Variants in TMEM126A observed in about 807,000 individuals in gnomAD.
The protein encoded by TMEM126A is optic atrophy 7.
TMEM126A carries 10 observed loss-of-function variants against 18.3 expected under a neutral mutation model. That is an observed-to-expected ratio of 0.55 (90% CI 0.34 to 0.93). TMEM126A has a LOEUF of 0.93. Ranked by LOEUF, TMEM126A falls within the 40% of genes least tolerant of loss-of-function variation. TMEM126A has a pLI of 0.02. For missense variants in TMEM126A, 246 were observed against 230.2 expected, an observed-to-expected ratio of 1.07 and a Z score of -0.44; for synonymous variants, 68 against 78.1, an observed-to-expected ratio of 0.87 and a Z score of 0.68.
chr11:85,655,593 G>A lies in TMEM126A; in HGVS notation c.281-1G>A. ...ATTTCTATGACTAATTTATTTCCTAGGTGATTTGGATTGTGAAACCTGTAC... is the reference window on the plus strand; with the variant it reads ...ATTTCTATGACTAATTTATTTCCTAAGTGATTTGGATTGTGAAACCTGTAC... On this transcript the variant is annotated splice_acceptor_variant, in intron 3 of 4. Transcript: ENST00000304511. LOFTEE classifies it high-confidence loss of function. 6.2e-7 allele frequency: 1 copy of A among 1,607,206 alleles called. No homozygotes were observed. Among genetic ancestry groups the A allele is most frequent in the Non-Finnish European group, 8.5e-7 (1 of 1,174,022 alleles).
chr11:85,655,309 T>TA (rs1249935292), intron 3 of TMEM126A: 4 of 345,736 alleles, frequency 1.2e-5, no homozygotes, highest in Admixed American at 4.4e-5. Flanking sequence ...GGTCTGTTGA[T>TA]AAAAAACAAG....
At position 85,654,059 on chromosome 11, in the gene TMEM126A, T is replaced by G. The variant is rs1357582545; in HGVS notation, c.87-4T>G. The G allele has an allele frequency of 6.2e-7, 1 of 1,614,064 alleles. No homozygotes were observed. Among genetic ancestry groups the G allele is most frequent in the Non-Finnish European group, 8.5e-7 (1 of 1,180,026 alleles). ...AGAAAAGTTCTTTCTTCTCACCCTT[T>G]CAGGAATCTACTTGAAAATGGATCG... On this transcript the variant is annotated splice_region_variant and splice_polypyrimidine_tract_variant and intron_variant, in intron 2 of 4. Transcript: ENST00000304511.
intron 2 of TMEM126A, among the ~76,000 whole-genome samples, chr11:85,652,984 G>A (rs2082512191): frequency 6.6e-6 from 1 of 151,326 alleles, no homozygotes; most frequent in Admixed American, 6.6e-5. Flanking sequence ...CATGGTTTTT[G>A]TGGTTGGTAG....
intron 1 of TMEM126A, among the ~76,000 whole-genome samples, chr11:85,648,336 G>T (rs1476852934): frequency 1.3e-5 from 2 of 152,196 alleles, no homozygotes; most frequent in Non-Finnish European, 2.9e-5. Context: ...TTTACAAGGT[G>T]ACCACGGCCA....
In TMEM126A at chr11:85,654,209, C is replaced by G. The variant is rs565261459; in HGVS notation, c.233C>G (p.Thr78Arg). ...GLPMAGIPFL[T>R]TDLTYRCFVS... ...CCAATGGCAGGGATACCTTTTCTTA[C>G]AACAGACTTAACTTACAGATGTTTT... Residue 78 changes from threonine (T) to arginine (R), a missense_variant, in exon 3 of 5, where the codon ACA (threonine) becomes AGA (arginine). Coordinates refer to ENST00000304511, the MANE Select transcript of TMEM126A (RefSeq NM_032273.4). 9 of 1,614,066 alleles carry G rather than the reference C, an allele frequency of 5.6e-6. No homozygotes were observed. Among genetic ancestry groups the G allele is most frequent in the Non-Finnish European group, 1.7e-6 (2 of 1,180,044 alleles).
chr11:85,655,754 T>G, intron 4 of TMEM126A, 46 bp downstream of exon 4: 1 of 1,341,358 alleles, frequency 7.5e-7, no homozygotes, highest in East Asian at 2.3e-5. Flanking sequence ...CCTATAAAAC[T>G]CACAACTTAA....
intron 2 of TMEM126A, 154 bp from the exon 3 acceptor site, chr11:85,653,907 CCT>C: frequency 1.2e-6 from 1 of 812,878 alleles, no homozygotes; most frequent in South Asian, 1.5e-5. Context: ...AGAGCAAAAA[CCT>C]ATATATAAAG....
At chr11:85,656,263 G>A in intron 4 of TMEM126A, 46 bp from the exon 5 acceptor site, 1 of 1,559,242 alleles carries the variant, frequency 6.4e-7, no homozygotes, top group Non-Finnish European at 8.8e-7. Context: ...TTTGCCATTT[G>A]ATGCAACAAT....
chr11:85,654,266 A>G lies in TMEM126A; in HGVS notation c.280+10A>G. The G allele has an allele frequency of 6.2e-7, 1 of 1,613,330 alleles. No homozygotes were observed. Among genetic ancestry groups the G allele is most frequent in the South Asian group, 1.1e-5 (1 of 91,048 alleles). ...TTTCCTTTGAATACAGGTAAATTCTACTTCACTATCACCAAAGAGTTTGCC... is the reference window on the plus strand; with the variant it reads ...TTTCCTTTGAATACAGGTAAATTCTGCTTCACTATCACCAAAGAGTTTGCC... On this transcript the variant is annotated intron_variant, in intron 3 of 4. Transcript: ENST00000304511.
chr11:85,654,510 G>A (rs1484506591), intron 3 of TMEM126A, among the ~76,000 whole-genome samples: 1 of 152,164 alleles, frequency 6.6e-6, no homozygotes, highest in Admixed American at 6.5e-5. Flanking sequence ...GGAGTGCCCT[G>A]GCGCAATCTT....
intron 1 of TMEM126A, 124 bp downstream of exon 1, chr11:85,648,213 T>G (rs888451897): frequency 2.0e-5 from 3 of 152,240 alleles, no homozygotes; most frequent in Admixed American, 2.0e-4. Context: ...TGTAGTTAGC[T>G]CTTCCTGCTG....
chr11:85,649,043 T>C (rs2082481593), intron 1 of TMEM126A, among the ~76,000 whole-genome samples: 1 of 151,392 alleles, frequency 6.6e-6, no homozygotes, highest in Non-Finnish European at 1.5e-5. Flanking sequence ...CAAGCGATTC[T>C]CCTGCCTCAG....
rs1273559505 is a variant in TMEM126A at position 85,654,089 on chromosome 11, A to T, written c.113A>T (p.Tyr38Phe). 1.9e-6 allele frequency: 3 copies of T among 1,614,194 alleles called. No individual in the cohort carries two copies. In the Admixed American group the frequency reaches 5.0e-5, roughly 27 times the overall value. ...AATCTACTTGAAAATGGATCGGTTT[A>T]TGTTGGATTAAATGCTGCTCTTTGT... ...ERNLLENGSV[Y>F]VGLNAALCGL... The change falls in exon 3 of 5, where the codon TAT (tyrosine) becomes TTT (phenylalanine). Residue 38 changes from tyrosine to phenylalanine, a missense_variant. Coordinates refer to ENST00000304511, the MANE Select transcript of TMEM126A (RefSeq NM_032273.4).
chr11:85,650,061 T>A (rs1325744690), intron 1 of TMEM126A, among the ~76,000 whole-genome samples, 188 bp from the exon 2 acceptor site: 1 of 152,254 alleles, frequency 6.6e-6, no homozygotes, highest in Non-Finnish European at 1.5e-5. Context: ...GAAGATATTC[T>A]GTATTTCCTA....
chr11:85,656,344 T>C lies in TMEM126A; in HGVS notation c.431T>C (p.Ile144Thr), dbSNP rs367886918. ...GCTCTGTTACCACACAAAGGGAACA[T>C]CTTAAGTTACTGGATTAGAACTTCT... is the stretch of plus-strand genomic sequence containing the variant. Reference protein sequence around the residue: ...QSALLPHKGNILSYWIRTSKP... With the variant: ...QSALLPHKGNTLSYWIRTSKP... The change falls in exon 5 of 5, where the codon ATC becomes ACC. Residue 144 changes from isoleucine (I) to threonine (T), a missense_variant. Physicochemically the swap from Ile to Thr is moderately conservative, Grantham distance 89 (BLOSUM62 -1). Coordinates refer to ENST00000304511, the MANE Select transcript of TMEM126A (RefSeq NM_032273.4). 2.4e-4 allele frequency: 387 copies of C among 1,612,344 alleles called. No individual in the cohort carries two copies. The highest frequency in any genetic ancestry group is 2.9e-4 in the Non-Finnish European group (347 of 1,179,564).
chr11:85,655,021 T>TG (rs1282751843), intron 3 of TMEM126A, among the ~76,000 whole-genome samples: 1 of 152,124 alleles, frequency 6.6e-6, no homozygotes, highest in Admixed American at 6.5e-5. Flanking sequence ...ATCAAATACA[T>TG]GGAGATTTGA....
At chr11:85,653,210 TGA>T (rs2082514269) in intron 2 of TMEM126A, among the ~76,000 whole-genome samples, 1 of 152,190 alleles carries the variant, frequency 6.6e-6, no homozygotes, top group Non-Finnish European at 1.5e-5. Context: ...GGGTTCTCAA[TGA>T]GTGACAGGCA....
At chr11:85,649,918 T>C (rs1051993178) in intron 1 of TMEM126A, among the ~76,000 whole-genome samples, 14 of 152,220 alleles carry the variant, frequency 9.2e-5, no homozygotes, top group African/African-American at 3.4e-4. Context: ...CTATTGCATT[T>C]TCTCCCCCAC....
intron 1 of TMEM126A, among the ~76,000 whole-genome samples, chr11:85,648,941 T>G (rs1017186452): frequency 2.0e-5 from 3 of 151,236 alleles, no homozygotes; most frequent in Admixed American, 6.6e-5. Context: ...GAACTGTTTT[T>G]TTTTTTTTTT....
Sources: allele counts gnomAD v4.1 joint callset (sites outside exome capture counted in the v4.1 genomes callset), GRCh38; gene constraint gnomAD v4.1.1; transcripts MANE v1.5; gene names NCBI Gene and HGNC (gene_info 2026-07-23, HGNC 2026-07-21).